The following PHF6 variants were observed in gnomAD, a reference collection of about 807,000 sequenced individuals.
PHF6 encodes PHD finger protein 6, also known as PHD-like zinc finger protein.
A neutral mutation model predicts 34.0 loss-of-function variants in PHF6; 7 were observed. The observed-to-expected ratio is 0.21, with a 90% CI of 0.12 to 0.39. The LOEUF (loss-of-function observed/expected upper bound fraction) is 0.39. Ranked by LOEUF, PHF6 falls within the 10% of genes least tolerant of loss-of-function variation. The pLI is 1.00. For missense variants in PHF6, 128 were observed against 262.8 expected, an observed-to-expected ratio of 0.49 and a Z score of 3.55; for synonymous variants, 89 against 88.4, an observed-to-expected ratio of 1.01 and a Z score of -0.04.
intron 7 of PHF6, 129 bp downstream of exon 7, chrX:134,414,095 C>A: frequency 1.6e-6 from 1 of 623,860 alleles, no homozygotes; most frequent in Non-Finnish European, 2.6e-6. Flanking sequence ...AAATTTCCCC[C>A]CACCAGCATT....
At position 134,422,672 on chromosome X, in the gene PHF6, C is replaced by T. The variant is rs981721444; in HGVS notation, c.969-2529C>T. On this transcript the variant is annotated intron_variant, in intron 9 of 10. Transcript: ENST00000370803. The stretch of plus-strand genomic sequence containing the variant: ...GATAATAATTTTTATTTATATTTAT[C>T]CTGTTTTATTGTCTTTATTGTATTT... Among the ~76,000 whole-genome samples the T allele has an allele frequency of 4.5e-5, 5 of 111,543 alleles. No homozygotes were observed. The South Asian group carries it at 1.9e-3, about 42-fold the overall frequency.
intron 3 of PHF6, among the ~76,000 whole-genome samples, chrX:134,389,991 AATTG>A (rs1288384105): frequency 6.8e-5 from 7 of 102,333 alleles, no homozygotes; most frequent in African/African-American, 1.8e-4. Context: ...GTCTAGAATG[AATTG>A]ATTGATAAAA....
chrX:134,401,699 A>G (rs1202199922), intron 5 of PHF6, among the ~76,000 whole-genome samples: 1 of 111,976 alleles, frequency 8.9e-6, no homozygotes, highest in Non-Finnish European at 1.9e-5. Flanking sequence ...TTAGAATTAC[A>G]GTGACCACAA....
chrX:134,408,455 A>G (rs1366655376), intron 5 of PHF6, among the ~76,000 whole-genome samples: 1 of 111,423 alleles, frequency 9.0e-6, no homozygotes, highest in African/African-American at 3.3e-5. Context: ...TTATGTTCCC[A>G]CTAACAGTGT....
At chrX:134,385,246 C>T (rs1044364128) in intron 3 of PHF6, among the ~76,000 whole-genome samples, 6 of 111,131 alleles carry the variant, frequency 5.4e-5, no homozygotes, top group African/African-American at 1.6e-4. Context: ...CCTCTGCTTG[C>T]GGCTCTTTTT....
chrX:134,385,532 A>G (rs965535814), intron 3 of PHF6, among the ~76,000 whole-genome samples: 4 of 111,655 alleles, frequency 3.6e-5, no homozygotes, highest in Non-Finnish European at 7.5e-5. Context: ...GTGGGTGCTC[A>G]TTGTTGGTGG....
At chrX:134,416,309 C>A (rs1049803922) in intron 8 of PHF6, among the ~76,000 whole-genome samples, 1 of 111,616 alleles carries the variant, frequency 9.0e-6, no homozygotes, top group Non-Finnish European at 1.9e-5. Flanking sequence ...AAAACCACTT[C>A]ATCATATTAT....
At chrX:134,376,383 T>A (rs1456507537) in intron 1 of PHF6, among the ~76,000 whole-genome samples, 1 of 111,895 alleles carries the variant, frequency 8.9e-6, no homozygotes, top group East Asian at 2.8e-4. Context: ...TTTTCTTGAT[T>A]GTGACGTGTG....
At chrX:134,407,064 T>C (rs1361877653) in intron 5 of PHF6, among the ~76,000 whole-genome samples, 1 of 112,269 alleles carries the variant, frequency 8.9e-6, no homozygotes, top group African/African-American at 3.2e-5. Flanking sequence ...CTTGTAGTTA[T>C]TCACTGACAT....
chrX:134,374,434 A>G (rs1216029655), intron 1 of PHF6, among the ~76,000 whole-genome samples: 1 of 112,138 alleles, frequency 8.9e-6, no homozygotes. Flanking sequence ...AACCAAATTC[A>G]GGTGCCCTTC....
chrX:134,414,816 C>G (rs1452065221), intron 7 of PHF6, among the ~76,000 whole-genome samples, 200 bp from the exon 8 acceptor site: 2 of 111,803 alleles, frequency 1.8e-5, no homozygotes, highest in African/African-American at 6.5e-5. Context: ...ACTGGCAGTC[C>G]TCATTTTATT....
In PHF6 at chrX:134,415,048, A is replaced by C. The variant is rs754317008; in HGVS notation, c.762A>C (p.Thr254=). The part of the protein sequence containing the change: ...LFSSGTVQLT[T]TSRAEFGDFD... ...CTTCTGGCACAGTCCAGCTCACAACAACATCAAGAGCAGAATTTGGAGACT... is the reference window on the plus strand; with the variant it reads ...CTTCTGGCACAGTCCAGCTCACAACCACATCAAGAGCAGAATTTGGAGACT... Residue 254 remains threonine (T), a synonymous_variant, in exon 8 of 11, where the codon ACA becomes ACC. Transcript: ENST00000370803. The C allele has an allele frequency of 1.7e-5, 21 of 1,209,544 alleles. No individual in the cohort carries two copies. Among genetic ancestry groups the C allele is most frequent in the Non-Finnish European group, 2.1e-5 (19 of 894,917 alleles).
At chrX:134,424,989 T>G (rs766558302) in intron 9 of PHF6, among the ~76,000 whole-genome samples, 2 of 112,085 alleles carry the variant, frequency 1.8e-5, no homozygotes, top group Non-Finnish European at 3.8e-5. Flanking sequence ...ACCAGAGATT[T>G]TGTTTCAGAT....
chrX:134,425,991 T>C lies in PHF6; in HGVS notation c.*331T>C. ...GAACAAAGCTCTGCTGTTTAGAGCATTTAAGTTTGTTTAGTGGATCCATAC... is the reference window on the plus strand; with the variant it reads ...GAACAAAGCTCTGCTGTTTAGAGCACTTAAGTTTGTTTAGTGGATCCATAC... On this transcript the variant is annotated 3_prime_UTR_variant, in exon 11 of 11. Transcript: ENST00000370803. 1 of 164,178 alleles carries C rather than the reference T, an allele frequency of 6.1e-6. No individual in the cohort carries two copies. The highest frequency in any genetic ancestry group is 1.2e-5 in the Non-Finnish European group (1 of 83,999). The allele number at this position is 164,178 out of a possible 1,213,427, so 13.5% of individuals were successfully genotyped here.
At chrX:134,394,022 T>A (rs2077365918) in intron 5 of PHF6, 70 bp downstream of exon 5, 17 of 933,287 alleles carry the variant, frequency 1.8e-5, no homozygotes, top group African/African-American at 1.5e-4. Context: ...ATTAGTGAAT[T>A]ATACTATATT....
chrX:134,412,196 T>A (rs1179052858), intron 5 of PHF6, among the ~76,000 whole-genome samples: 1 of 112,601 alleles, frequency 8.9e-6, no homozygotes, highest in African/African-American at 3.2e-5. Flanking sequence ...GTTATTCACG[T>A]GAATTTATTT....
rs1029222867 is a variant in PHF6, at chrX:134,382,310, T to C, written c.240+4204T>C. The stretch of plus-strand genomic sequence containing the variant: ...CCTGTTTTTGCAGTTTAGACAGATA[T>C]ATATTTTTCCAGTATGATTTCCAGT... On this transcript the variant is annotated intron_variant, in intron 3 of 10. Coordinates refer to ENST00000370803, the MANE Select transcript of PHF6 (RefSeq NM_001015877.2). Among the ~76,000 whole-genome samples, 5 of 111,677 alleles carry C rather than the reference T, an allele frequency of 4.5e-5. No homozygotes were observed. In the East Asian group the frequency reaches 8.4e-4, roughly 19 times the overall value.
chrX:134,406,486 T>C (rs1384203132), intron 5 of PHF6, among the ~76,000 whole-genome samples: 1 of 111,444 alleles, frequency 9.0e-6, no homozygotes, highest in African/African-American at 3.3e-5. Flanking sequence ...ACCAGGAAGT[T>C]GTAAGATGAG....
chrX:134,383,176 G>T (rs1330611843), intron 3 of PHF6, among the ~76,000 whole-genome samples: 2 of 110,386 alleles, frequency 1.8e-5, no homozygotes. Context: ...GGAGTTCGAG[G>T]CTGTGGTGAG....
Sources: allele counts gnomAD v4.1 joint callset (sites outside exome capture counted in the v4.1 genomes callset), GRCh38; gene constraint gnomAD v4.1.1; transcripts MANE v1.5; gene names NCBI Gene and HGNC (gene_info 2026-07-23, HGNC 2026-07-21).